MMP24: variants seen among roughly 807,000 people sequenced by gnomAD.
MMP24 encodes matrix metalloproteinase-24.
In MMP24, 25 loss-of-function variants were observed where a neutral mutation model predicts 62.8. The ratio of observed to expected loss-of-function variants is 0.40; its 90% CI spans 0.29 to 0.56. The LOEUF (loss-of-function observed/expected upper bound fraction) is 0.56, where lower values mean the gene tolerates loss of function less well. MMP24 is among the 20% of genes least tolerant of loss of function. MMP24 has a pLI of 0.50. For synonymous variants in MMP24, 319 were observed against 350.5 expected (o/e 0.91, Z 1.00); for missense variants, 634 against 853.6 (o/e 0.74, Z 3.21).
chr20:35,275,988 T>C lies in MMP24; in HGVS notation c.*1379T>C. On this transcript the variant is annotated 3_prime_UTR_variant, in exon 9 of 9. Coordinates refer to ENST00000246186, the MANE Select transcript of MMP24 (RefSeq NM_006690.4). ...AGCCCTGCTTGTCACTGAGGAGCCCTAGACAAGGCCAATGGGTTCATCAAT... is the reference window on the plus strand; with the variant it reads ...AGCCCTGCTTGTCACTGAGGAGCCCCAGACAAGGCCAATGGGTTCATCAAT... 1 of 398,628 alleles carries C rather than the reference T, an allele frequency of 2.5e-6. No homozygotes were observed. Among genetic ancestry groups the C allele is most frequent in the Non-Finnish European group, 4.4e-6 (1 of 226,106 alleles). 24.7% of individuals were successfully genotyped at this position (398,628 alleles called of 1,614,324 possible).
rs565352682 is a variant in MMP24 at position 35,262,270 on chromosome 20, G to A, written c.818-1521G>A. ...CAGCGCTCACCATATGGAGGATCCC[G>A]CCAGCCTCTGAGTTCCCTTAGTATT... On this transcript the variant is annotated intron_variant, in intron 4 of 8. Transcript: ENST00000246186. 5.7e-4 allele frequency among the ~76,000 whole-genome samples: 87 copies of A among 152,256 alleles called. No individual in the cohort carries two copies. In the South Asian group the frequency reaches 7.3e-3, roughly 13 times the overall value.
chr20:35,271,465 C>A lies in MMP24; in HGVS notation c.1334-104C>A. The A allele has an allele frequency of 7.1e-7, 1 of 1,413,332 alleles. No homozygotes were observed. Among genetic ancestry groups the A allele is most frequent in the Non-Finnish European group, 9.5e-7 (1 of 1,051,540 alleles). 87.5% of individuals were successfully genotyped at this position (1,413,332 alleles called of 1,614,324 possible). A position where few individuals can be genotyped will look rare whatever the true frequency, so the allele number is the denominator to read the frequency against. Reference sequence around the variant, plus strand: ...CGTGCCCTTCCCAACTCTAACTGGGCCAAGGGGCTGAGGGCATCAGACTGT... The same window carrying A: ...CGTGCCCTTCCCAACTCTAACTGGGACAAGGGGCTGAGGGCATCAGACTGT... On this transcript the variant is annotated intron_variant, in intron 7 of 8. Coordinates refer to ENST00000246186, the MANE Select transcript of MMP24 (RefSeq NM_006690.4). The surrounding 1 kb of genome is among the most constrained non-coding windows in gnomAD (Gnocchi z 4.0).
At chr20:35,237,988 A>G (rs2060471838) in intron 1 of MMP24, among the ~76,000 whole-genome samples, 1 of 152,230 alleles carries the variant, frequency 6.6e-6, no homozygotes, top group Non-Finnish European at 1.5e-5. Flanking sequence ...ATAGCAATGG[A>G]TGAGGAAGAA....
intron 4 of MMP24, among the ~76,000 whole-genome samples, chr20:35,260,020 A>C (rs548732712): frequency 2.6e-5 from 4 of 152,304 alleles, no homozygotes; most frequent in African/African-American, 9.6e-5. Flanking sequence ...TGGGATTCAA[A>C]ACCAGGCAGT....
intron 4 of MMP24, among the ~76,000 whole-genome samples, chr20:35,257,704 TGG>T (rs1264950726): frequency 6.6e-6 from 1 of 152,176 alleles, no homozygotes; most frequent in African/African-American, 2.4e-5. Flanking sequence ...GACCTGTGGA[TGG>T]GCACCATCCC....
intron 1 of MMP24, among the ~76,000 whole-genome samples, chr20:35,241,315 C>T (rs1378696127): frequency 2.0e-5 from 3 of 152,160 alleles, no homozygotes; most frequent in Admixed American, 2.0e-4. Context: ...CACACACAGA[C>T]ACACAGACAC....
intron 3 of MMP24, among the ~76,000 whole-genome samples, chr20:35,253,269 A>ATTTTTTTT (rs2060557038): frequency 1.3e-4 from 8 of 62,518 alleles, no homozygotes; most frequent in African/African-American, 6.5e-4. Flanking sequence ...ACAGAACGGG[A>ATTTTTTTT]CTTTTTTTTT....
chr20:35,266,969 C>T (rs1019950101), intron 5 of MMP24, among the ~76,000 whole-genome samples: 4 of 151,854 alleles, frequency 2.6e-5, no homozygotes, highest in African/African-American at 9.7e-5. Flanking sequence ...CATGATTGCT[C>T]TGTAACAGGA....
Position 35,267,401 on chromosome 20 carries a change from C to T in MMP24, c.1176C>T (p.Gly392=). 1.9e-6 allele frequency: 3 copies of T among 1,558,974 alleles called. No homozygotes were observed. Among genetic ancestry groups the T allele is most frequent in the South Asian group, 1.2e-5 (1 of 84,556 alleles). The part of the protein sequence containing the change: ...GNFNTVALFR[G]EMFVFKDRWF... ...TCAACACAGTGGCCCTCTTCCGGGG[C>T]GAGATGTTTGTCTTTAAGGTAGGGC... The change falls in exon 6 of 9, where the codon GGC becomes GGT. Residue 392 remains glycine, a synonymous_variant. Coordinates refer to ENST00000246186, the MANE Select transcript of MMP24 (RefSeq NM_006690.4).
Position 35,267,312 on chromosome 20 carries a change from C to A in MMP24, c.1087C>A (p.Arg363=). The change falls in exon 6 of 9, where the codon CGG becomes AGG. Residue 363 remains arginine (R), a synonymous_variant. Coordinates refer to ENST00000246186, the MANE Select transcript of MMP24 (RefSeq NM_006690.4). Reference sequence around the variant, plus strand: ...ACACGAGCGCCAGCCCAGGCCCCCTCGGCCGCCCCTCGGGGACCGGCCATC... The same window carrying A: ...ACACGAGCGCCAGCCCAGGCCCCCTAGGCCGCCCCTCGGGGACCGGCCATC... The part of the protein sequence containing the change: ...RKHERQPRPP[R]PPLGDRPSTP... 1.3e-6 allele frequency: 2 copies of A among 1,595,672 alleles called. No individual in the cohort carries two copies. Among genetic ancestry groups the A allele is most frequent in the Non-Finnish European group, 1.7e-6 (2 of 1,171,872 alleles).
intron 8 of MMP24, among the ~76,000 whole-genome samples, chr20:35,273,757 C>G (rs1033302997): frequency 3.3e-4 from 51 of 152,306 alleles, no homozygotes; most frequent in African/African-American, 1.2e-3. Context: ...TGCCCAGCCT[C>G]TCTCCCAGAA....
At chr20:35,244,570 A>T (rs191372270) in intron 1 of MMP24, among the ~76,000 whole-genome samples, 1 of 151,956 alleles carries the variant, frequency 6.6e-6, no homozygotes, top group Non-Finnish European at 1.5e-5. Context: ...CCTCCCGAGT[A>T]GCTGAGATTA....
intron 4 of MMP24, 102 bp downstream of exon 4, chr20:35,254,856 G>T: frequency 2.3e-6 from 3 of 1,312,546 alleles, no homozygotes; most frequent in South Asian, 2.9e-5. Context: ...AGAGCCTCTT[G>T]TCCAAGAACT....
chr20:35,231,174 G>A (rs2060435831), intron 1 of MMP24, among the ~76,000 whole-genome samples: 1 of 152,176 alleles, frequency 6.6e-6, no homozygotes, highest in Non-Finnish European at 1.5e-5. Context: ...ATCAGAACAG[G>A]ATGAAAGAGA....
At chr20:35,257,344 C>T (rs941990041) in intron 4 of MMP24, among the ~76,000 whole-genome samples, 6 of 152,162 alleles carry the variant, frequency 3.9e-5, no homozygotes, top group African/African-American at 1.4e-4. Flanking sequence ...TGCATGTATT[C>T]CTGGCTGAGT....
intron 1 of MMP24, among the ~76,000 whole-genome samples, chr20:35,231,528 A>T (rs1373937065): frequency 6.6e-6 from 1 of 151,224 alleles, no homozygotes; most frequent in Non-Finnish European, 1.5e-5. Flanking sequence ...TTTTTAATTC[A>T]TTTTCTCTTA....
chr20:35,231,868 A>G (rs921484104), intron 1 of MMP24, among the ~76,000 whole-genome samples: 3 of 152,146 alleles, frequency 2.0e-5, no homozygotes, highest in Non-Finnish European at 4.4e-5. Flanking sequence ...CCTGGCCAAC[A>G]TGGTGAAACC....
chr20:35,257,042 G>A (rs1282569845), intron 4 of MMP24, among the ~76,000 whole-genome samples: 4 of 152,170 alleles, frequency 2.6e-5, no homozygotes, highest in African/African-American at 7.2e-5. Flanking sequence ...GGCTGCTCCA[G>A]GCTGAGAGCA....
At chr20:35,247,349 T>A (rs2060520934) in intron 2 of MMP24, among the ~76,000 whole-genome samples, 1 of 152,218 alleles carries the variant, frequency 6.6e-6, no homozygotes. Context: ...TCTCACAGAA[T>A]ACAGAAAACG....
Sources: gnomAD v4.1 joint callset for allele counts (sites outside exome capture counted in the v4.1 genomes callset) on GRCh38, gnomAD v4.1.1 for gene constraint, Gnocchi (gnomAD v3.1) non-coding constraint, MANE v1.5 for transcripts, NCBI Gene and HGNC (gene_info 2026-07-23, HGNC 2026-07-21) for gene names.